The following DLG5 variants were observed in gnomAD, a reference collection of about 807,000 sequenced individuals.
The protein encoded by DLG5 is disks large homolog 5.
A neutral mutation model predicts 189.8 loss-of-function variants in DLG5; 48 were observed. That is an observed-to-expected ratio of 0.25 (90% CI 0.20 to 0.32). The LOEUF (loss-of-function observed/expected upper bound fraction) is 0.32. Ranked by LOEUF, DLG5 falls within the 10% of genes least tolerant of loss-of-function variation. DLG5 has a pLI of 1.00. For missense variants in DLG5, 2,160 were observed against 2,544.7 expected (o/e 0.85, Z 3.25); for synonymous variants, 1,016 against 1,054.1 (o/e 0.96, Z 0.70).
At chr10:77,871,405 T>C (rs757165527) in intron 1 of DLG5, among the ~76,000 whole-genome samples, 6 of 152,088 alleles carry the variant, frequency 3.9e-5, no homozygotes, top group Non-Finnish European at 8.8e-5. Flanking sequence ...AGCCTTAAAA[T>C]TCTATGATCC....
rs955417552 is a variant in DLG5 at position 77,835,877 on chromosome 10, C to T, written c.1483G>A (p.Val495Ile). ...TTGCACTGCTTTCGAAGGATTTCAA[C>T]CTCCTTGTTGGCTCTCCCAGCATCC... ...TMDAGRANKE[V>I]EILRKQCKAL... Residue 495 changes from valine (V) to isoleucine (I), a missense_variant, in exon 8 of 32, where the codon GTT becomes ATT. Val to Ile is a conservative substitution (Grantham distance 29, BLOSUM62 3). This residue lies in a region of DLG5 where 664 missense variants were observed against 838.5 expected (regional missense o/e 0.79). Transcript: ENST00000372391. 43 of 1,613,824 alleles carry T rather than the reference C, an allele frequency of 2.7e-5. No individual in the cohort carries two copies. The highest frequency in any genetic ancestry group is 3.5e-5 in the Non-Finnish European group (41 of 1,179,866).
At chr10:77,929,749 A>C (rs1262429089), upstream of DLG5, 1 of 152,238 alleles carries the variant, frequency 6.6e-6, no homozygotes, top group Non-Finnish European at 1.5e-5. Flanking sequence ...AGTATCCAGA[A>C]GAAACCAACC....
chr10:77,867,066 G>T, intron 2 of DLG5: 1 of 457,002 alleles, frequency 2.2e-6, no homozygotes, highest in Non-Finnish European at 4.4e-6. Flanking sequence ...AGAGCACAGA[G>T]ATACTGTTGA....
intron 13 of DLG5, among the ~76,000 whole-genome samples, chr10:77,825,898 G>C (rs549928843): frequency 6.6e-6 from 1 of 152,172 alleles, no homozygotes; most frequent in East Asian, 1.9e-4. Context: ...GTGATTATCT[G>C]GAAGTAGTAA....
upstream of DLG5, chr10:77,929,447 A>G (rs1245400054): frequency 6.6e-6 from 1 of 152,186 alleles, no homozygotes; most frequent in Non-Finnish European, 1.5e-5. Flanking sequence ...GTGTTCCCCC[A>G]AAAGATATGT....
the DLG5 span, among the ~76,000 whole-genome samples, chr10:77,932,153 G>A: frequency 5.3e-5 from 8 of 152,324 alleles, no homozygotes; most frequent in African/African-American, 1.7e-4. Flanking sequence ...TGCTGAATCC[G>A]TGGTAAGTAC....
chr10:77,838,951 G>A (rs917566213), intron 7 of DLG5, among the ~76,000 whole-genome samples: 6 of 152,228 alleles, frequency 3.9e-5, no homozygotes, highest in African/African-American at 7.2e-5. Flanking sequence ...CTGCTGACTC[G>A]GAACAGGGCC....
At chr10:77,847,905 C>A (rs1012763328) in intron 5 of DLG5, among the ~76,000 whole-genome samples, 17 of 152,134 alleles carry the variant, frequency 1.1e-4, no homozygotes, top group Non-Finnish European at 1.2e-4. Context: ...GGGGGTCTCA[C>A]TATGTTGCCC....
chr10:77,876,563 G>A (rs1048959194), intron 1 of DLG5, among the ~76,000 whole-genome samples: 4 of 151,562 alleles, frequency 2.6e-5, no homozygotes, highest in African/African-American at 7.3e-5. Context: ...TAGTAAAGAC[G>A]GGGTTTCACC....
chr10:77,923,533 C>T (rs944393714), intron 1 of DLG5, among the ~76,000 whole-genome samples: 1 of 152,204 alleles, frequency 6.6e-6, no homozygotes, highest in Non-Finnish European at 1.5e-5. Context: ...CTGAGGCAAG[C>T]AGATCGCTTG....
intron 29 of DLG5, among the ~76,000 whole-genome samples, chr10:77,795,442 T>C (rs1421052577): frequency 6.6e-6 from 1 of 151,082 alleles, no homozygotes; most frequent in Non-Finnish European, 1.5e-5. Context: ...CCAAGTAGAG[T>C]TTGCCCACTT....
At position 77,817,079 on chromosome 10, in the gene DLG5, G is replaced by A. The variant is rs1432843264; in HGVS notation, c.3802C>T (p.Gln1268Ter). The A allele has an allele frequency of 6.2e-7, 1 of 1,614,144 alleles. No individual in the cohort carries two copies. The highest frequency in any genetic ancestry group is 1.7e-5 in the Admixed American group (1 of 60,020). The change falls in exon 19 of 32, where the codon CAG (glutamine) becomes TAG (stop). Residue 1268 changes from glutamine to a stop codon, truncating the protein, a stop_gained. Coordinates refer to ENST00000372391, the MANE Select transcript of DLG5 (RefSeq NM_004747.4). LOFTEE classifies it high-confidence loss of function. Reference sequence around the variant, plus strand: ...ATTTTAATGCGTTCCGCCTTGAACTGCAAGTTACTCGAAGAACCTATTGTT... The same window carrying A: ...ATTTTAATGCGTTCCGCCTTGAACTACAAGTTACTCGAAGAACCTATTGTT... ...SARLGSSSNL[Q>*]FKAERIKIPS...
intron 7 of DLG5, among the ~76,000 whole-genome samples, chr10:77,837,214 C>CAAAAAAAA (rs10531052): frequency 1.4e-5 from 1 of 69,712 alleles, no homozygotes; most frequent in Non-Finnish European, 2.7e-5. Context: ...GACTCGGTCT[C>CAAAAAAAA]AAAAAAAAAA....
At chr10:77,844,505 A>T (rs1034373291) in intron 5 of DLG5, among the ~76,000 whole-genome samples, 8 of 151,934 alleles carry the variant, frequency 5.3e-5, no homozygotes, top group African/African-American at 1.9e-4. Context: ...GGACCTAAAG[A>T]CTCTCAAAAG....
At position 77,896,469 on chromosome 10, in the gene DLG5, C is replaced by T. The variant is rs192140382; in HGVS notation, c.305-27272G>A. ...CTTCAAGGTTTAGGGGTAAACTGTC[C>T]TGATGTCCACAACTTTTTTCCAAAT... On this transcript the variant is annotated intron_variant, in intron 1 of 31. Coordinates refer to ENST00000372391, the MANE Select transcript of DLG5 (RefSeq NM_004747.4). Among the ~76,000 whole-genome samples the T allele has an allele frequency of 9.2e-5, 14 of 152,280 alleles. No homozygotes were observed. In the East Asian group the frequency reaches 2.7e-3, roughly 29 times the overall value.
chr10:77,831,841 C>T (rs1363169594), intron 9 of DLG5, among the ~76,000 whole-genome samples: 2 of 152,246 alleles, frequency 1.3e-5, no homozygotes, highest in Non-Finnish European at 2.9e-5. Context: ...AGAAATACCA[C>T]TTAAATAGTT....
In DLG5 at chr10:77,819,483, G is replaced by A. The variant is rs1472294873; in HGVS notation, c.3527-18C>T. The A allele has an allele frequency of 2.5e-6, 4 of 1,607,208 alleles. No homozygotes were observed. In the South Asian group the frequency reaches 3.3e-5, roughly 13 times the overall value. Reference sequence around the variant, plus strand: ...AACAGTGCCTAGAAATGGGCTTGGTGAGAAAAGACGCCCCAAAGGACCCAG... The same window carrying A: ...AACAGTGCCTAGAAATGGGCTTGGTAAGAAAAGACGCCCCAAAGGACCCAG... On this transcript the variant is annotated intron_variant, in intron 16 of 31. Transcript: ENST00000372391.
chr10:77,814,461 T>TTTATA (rs1279061097), intron 20 of DLG5, among the ~76,000 whole-genome samples: 1 of 70,700 alleles, frequency 1.4e-5, no homozygotes, highest in African/African-American at 3.8e-5. Context: ...TAAAGCATGT[T>TTTATA]TATATATATA....
At chr10:77,910,195 G>A (rs1023126499) in intron 1 of DLG5, among the ~76,000 whole-genome samples, 3 of 152,178 alleles carry the variant, frequency 2.0e-5, no homozygotes, top group Admixed American at 6.5e-5. Flanking sequence ...AGGTAGGCAA[G>A]GCTCAGACCA....
Sources: allele counts gnomAD v4.1 joint callset (sites outside exome capture counted in the v4.1 genomes callset), GRCh38; gene constraint gnomAD v4.1.1; regional missense constraint gnomAD v4.1.1; transcripts MANE v1.5; gene names NCBI Gene and HGNC (gene_info 2026-07-23, HGNC 2026-07-21).